MARCHF11: variants seen among roughly 807,000 people sequenced by gnomAD.
The protein encoded by MARCHF11 is E3 ubiquitin-protein ligase MARCHF11.
A neutral mutation model predicts 37.3 loss-of-function variants in MARCHF11; 29 were observed. That is an observed-to-expected ratio of 0.78 (90% confidence interval 0.58 to 1.06). The LOEUF (loss-of-function observed/expected upper bound fraction) is 1.06, where lower values mean the gene tolerates loss of function less well. Among genes scored for constraint, MARCHF11 ranks in the 50% least tolerant of loss-of-function variants. MARCHF11 has a pLI of 0.00. For synonymous variants in MARCHF11, 233 were observed against 228.0 expected (o/e 1.02, Z -0.20); for missense variants, 482 against 533.4 (o/e 0.90, Z 0.95).
chr5:16,165,208 G>C (rs185008969), intron 2 of MARCHF11, among the ~76,000 whole-genome samples: 1 of 151,828 alleles, frequency 6.6e-6, no homozygotes, highest in Non-Finnish European at 1.5e-5. Flanking sequence ...TTTCCCTATC[G>C]CTTCTACCTG....
chr5:16,149,608 C>A (rs1356770735), intron 2 of MARCHF11, among the ~76,000 whole-genome samples: 1 of 152,128 alleles, frequency 6.6e-6, no homozygotes, highest in African/African-American at 2.4e-5. Flanking sequence ...GTTTCTCCCA[C>A]CTCCATTGAA....
chr5:16,119,790 AC>A (rs1737283695), intron 2 of MARCHF11, among the ~76,000 whole-genome samples: 3 of 151,960 alleles, frequency 2.0e-5, no homozygotes, highest in South Asian at 4.2e-4. Flanking sequence ...AAGGCAAAAA[AC>A]CCCCCAAGGC....
At chr5:16,102,700 T>C (rs1736977919) in intron 2 of MARCHF11, among the ~76,000 whole-genome samples, 1 of 152,176 alleles carries the variant, frequency 6.6e-6, no homozygotes, top group Non-Finnish European at 1.5e-5. Context: ...TTCAAGTCTG[T>C]GTGACCTCAT....
intron 3 of MARCHF11, among the ~76,000 whole-genome samples, chr5:16,083,451 G>T (rs1477830390): frequency 1.3e-5 from 2 of 151,920 alleles, no homozygotes; most frequent in Non-Finnish European, 2.9e-5. Context: ...GCTACCTATC[G>T]ACAACAATCC....
At chr5:16,081,774 A>G (rs1488336754) in intron 3 of MARCHF11, among the ~76,000 whole-genome samples, 1 of 152,220 alleles carries the variant, frequency 6.6e-6, no homozygotes, top group Non-Finnish European at 1.5e-5. Context: ...ATGTTTATCC[A>G]TAAGAACTTG....
At chr5:16,083,641 T>A (rs1168046707) in intron 3 of MARCHF11, among the ~76,000 whole-genome samples, 1 of 152,194 alleles carries the variant, frequency 6.6e-6, no homozygotes, top group African/African-American at 2.4e-5. Flanking sequence ...TAGGTAAGTT[T>A]TTAACCTAAA....
chr5:16,100,903 C>T (rs1475465636), intron 2 of MARCHF11, among the ~76,000 whole-genome samples: 2 of 152,086 alleles, frequency 1.3e-5, no homozygotes, highest in Non-Finnish European at 2.9e-5. Flanking sequence ...AATTTAGCAA[C>T]TACAGGGTAA....
At chr5:16,139,997 T>C (rs1433959516) in intron 2 of MARCHF11, among the ~76,000 whole-genome samples, 2 of 152,106 alleles carry the variant, frequency 1.3e-5, no homozygotes, top group African/African-American at 2.4e-5. Context: ...GTAATAAAAA[T>C]CTATAACAAA....
At chr5:16,080,365 C>T (rs1028320923) in intron 3 of MARCHF11, among the ~76,000 whole-genome samples, 5 of 152,154 alleles carry the variant, frequency 3.3e-5, no homozygotes, top group African/African-American at 9.7e-5. Context: ...CTTCCTGTTT[C>T]TCCACCGTGT....
At chr5:16,070,283 C>T (rs79786082) in intron 3 of MARCHF11, among the ~76,000 whole-genome samples, 2,807 of 152,232 alleles carry the variant, frequency 0.018, 73 homozygotes, top group African/African-American at 0.064. Context: ...GAAATCAGAA[C>T]ACCTAATCTT....
intron 2 of MARCHF11, among the ~76,000 whole-genome samples, chr5:16,174,342 G>T (rs1160493623): frequency 2.0e-5 from 3 of 152,204 alleles, no homozygotes; most frequent in Non-Finnish European, 1.5e-5. Context: ...AACTCCTACT[G>T]CTAATGATAC....
At chr5:16,135,714 A>G (rs1396570739) in intron 2 of MARCHF11, among the ~76,000 whole-genome samples, 1 of 152,188 alleles carries the variant, frequency 6.6e-6, no homozygotes, top group Non-Finnish European at 1.5e-5. Context: ...ACCAAAAAGT[A>G]TGAGTAAATC....
chr5:16,151,798 C>A (rs1737895445), intron 2 of MARCHF11, among the ~76,000 whole-genome samples: 1 of 151,712 alleles, frequency 6.6e-6, no homozygotes, highest in African/African-American at 2.4e-5. Context: ...GTCAAAAAAT[C>A]TTTGACAAGA....
chr5:16,123,718 T>C (rs1329776809), intron 2 of MARCHF11, among the ~76,000 whole-genome samples: 4 of 150,326 alleles, frequency 2.7e-5, no homozygotes, highest in African/African-American at 7.4e-5. Flanking sequence ...TACTGCCTCA[T>C]AGATACCTGC....
At chr5:16,139,153 T>C in intron 2 of MARCHF11, among the ~76,000 whole-genome samples, 1 of 152,182 alleles carries the variant, frequency 6.6e-6, no homozygotes, top group East Asian at 1.9e-4. Flanking sequence ...AAATCTTGCC[T>C]TGAATTGTAG....
At chr5:16,118,796 G>A (rs1197384733) in intron 2 of MARCHF11, among the ~76,000 whole-genome samples, 1 of 152,198 alleles carries the variant, frequency 6.6e-6, no homozygotes, top group East Asian at 1.9e-4. Context: ...GCTTTGGCAA[G>A]AGCAGTTTTG....
intron 2 of MARCHF11, among the ~76,000 whole-genome samples, chr5:16,112,462 T>C (rs1028669397): frequency 6.6e-6 from 1 of 152,198 alleles, no homozygotes; most frequent in Non-Finnish European, 1.5e-5. Context: ...ATGGGGTCTG[T>C]AGCCCCTTTG....
chr5:16,109,509 T>C (rs1304802430), intron 2 of MARCHF11, among the ~76,000 whole-genome samples: 1 of 152,268 alleles, frequency 6.6e-6, no homozygotes, highest in Non-Finnish European at 1.5e-5. Flanking sequence ...ATGCAAGCTC[T>C]GTGTGCTCCT....
chr5:16,166,613 T>C (rs766185546), intron 2 of MARCHF11, among the ~76,000 whole-genome samples: 6 of 152,012 alleles, frequency 3.9e-5, no homozygotes, highest in African/African-American at 7.2e-5. Flanking sequence ...ATATATTTCA[T>C]AGATATGTAA....
Sources: allele counts gnomAD v4.1 joint callset (sites outside exome capture counted in the v4.1 genomes callset), GRCh38; gene constraint gnomAD v4.1.1; transcripts MANE v1.5; gene names NCBI Gene and HGNC (gene_info 2026-07-23, HGNC 2026-07-21).